Variants in CCDC136 observed in about 807,000 individuals in gnomAD.
CCDC136 encodes coiled-coil domain-containing protein 136.
CCDC136 carries 100 observed loss-of-function variants against 141.2 expected under a neutral mutation model. That is an observed-to-expected ratio of 0.71 (90% CI 0.60 to 0.84). The LOEUF (loss-of-function observed/expected upper bound fraction) is 0.84, where lower values mean the gene tolerates loss of function less well. Among genes scored for constraint, CCDC136 ranks in the 40% least tolerant of loss-of-function variants. The pLI, the probability that CCDC136 is intolerant of heterozygous loss-of-function variation, is 0.00. For missense variants in CCDC136, 1,206 were observed against 1,379.4 expected (o/e 0.87, Z 1.99); for synonymous variants, 474 against 531.9 (o/e 0.89, Z 1.50).
intron 4 of CCDC136, among the ~76,000 whole-genome samples, chr7:128,802,856 C>G (rs1804255307): frequency 6.6e-6 from 1 of 152,156 alleles, no homozygotes; most frequent in Admixed American, 6.6e-5. Flanking sequence ...AAAAACCTTA[C>G]AGAGCTATTT....
chr7:128,805,125 C>T lies in CCDC136; in HGVS notation c.783-234C>T, dbSNP rs1804632184. On this transcript the variant is annotated intron_variant, in intron 5 of 17. Transcript: ENST00000297788. This position sits in a 1 kb window ranked among gnomAD's most constrained non-coding sequence, Gnocchi z 4.6. ...GAGTGGGCTTGACTAGGCCTAGCCT[C>T]AAAACTAACTGGACTGGCACTCTAA... is the stretch of plus-strand genomic sequence containing the variant. 6.6e-6 allele frequency among the ~76,000 whole-genome samples: 1 copy of T among 152,154 alleles called. No individual in the cohort carries two copies. The highest frequency in any genetic ancestry group is 2.4e-5 in the African/African-American group (1 of 41,420).
At chr7:128,797,543 GAC>G (rs1803226449) in intron 3 of CCDC136, among the ~76,000 whole-genome samples, 2 of 152,182 alleles carry the variant, frequency 1.3e-5, no homozygotes, top group Admixed American at 1.3e-4. Flanking sequence ...GCTTCAAGGA[GAC>G]AGTGATCCAC....
chr7:128,814,393 C>T (rs1015527997), intron 14 of CCDC136, among the ~76,000 whole-genome samples: 30 of 152,238 alleles, frequency 2.0e-4, no homozygotes, highest in South Asian at 6.2e-4. Context: ...TGCGCCCTGC[C>T]GTTTTTTTCA....
chr7:128,812,668 G>A (rs1294303692), intron 13 of CCDC136, 40 bp from the exon 14 acceptor site: 2 of 1,493,440 alleles, frequency 1.3e-6, no homozygotes, highest in Non-Finnish European at 1.8e-6. Context: ...GAGCTTAGGT[G>A]CTCCTCAGGG....
chr7:128,802,425 A>G (rs17165121), intron 4 of CCDC136, among the ~76,000 whole-genome samples: 28,246 of 151,998 alleles, frequency 0.19, 2,913 homozygotes, highest in African/African-American at 0.27. Context: ...TGCTGGGAGA[A>G]GAAGGTTGGC....
At chr7:128,790,911 G>A (rs928253278), upstream of CCDC136, 8 of 152,244 alleles carry the variant, frequency 5.3e-5, no homozygotes, top group Non-Finnish European at 1.5e-5. This position sits in a 1 kb window ranked among gnomAD's most constrained non-coding sequence, Gnocchi z 5.4. Flanking sequence ...CCGGCCCCCA[G>A]GCTGCCGAGG....
intron 3 of CCDC136, among the ~76,000 whole-genome samples, chr7:128,800,395 A>G (rs1231132992): frequency 2.6e-5 from 4 of 151,512 alleles, no homozygotes; most frequent in Admixed American, 6.6e-5. Flanking sequence ...GGCTCAAATG[A>G]TTCTCCTGTC....
At chr7:128,812,596 G>A in intron 13 of CCDC136, 112 bp from the exon 14 acceptor site, 2 of 834,112 alleles carry the variant, frequency 2.4e-6, no homozygotes, top group Non-Finnish European at 3.9e-6. Context: ...TCCCCCGCGG[G>A]CATCTCTGGA....
rs1327628772 is a variant in CCDC136 at position 128,792,256 on chromosome 7, C to T, written c.-156C>T. 15 of 1,536,060 alleles carry T rather than the reference C, an allele frequency of 9.8e-6. No individual in the cohort carries two copies. The highest frequency in any genetic ancestry group is 1.3e-5 in the Non-Finnish European group (15 of 1,141,430). The stretch of plus-strand genomic sequence containing the variant: ...AGCTGGAAGACATGTCCCCTTCTTT[C>T]CTCTGCACCCCAGCCCGCAGCCAGC... On this transcript the variant is annotated 5_prime_UTR_variant, in exon 1 of 18. Transcript: ENST00000297788.
Position 128,798,663 on chromosome 7 carries a change from G to C in CCDC136, c.347-2523G>C, listed in dbSNP as rs544343391. ...CTGTTTCTCCAGAACACCCACCCCA[G>C]ACTCTAGGGCCTTTGTCCTAATGGC... On this transcript the variant is annotated intron_variant, in intron 3 of 17. Coordinates refer to ENST00000297788, the MANE Select transcript of CCDC136 (RefSeq NM_022742.5). 1.4e-4 allele frequency among the ~76,000 whole-genome samples: 22 copies of C among 152,226 alleles called. No homozygotes were observed. The East Asian group carries it at 4.1e-3, about 28-fold the overall frequency.
At chr7:128,796,177 T>C (rs1802917234) in intron 3 of CCDC136, among the ~76,000 whole-genome samples, 3 of 152,152 alleles carry the variant, frequency 2.0e-5, no homozygotes, top group Admixed American at 2.0e-4. Context: ...AGTTTCACCA[T>C]GTTGGCCAGG....
Position 128,792,293 on chromosome 7 carries a change from C to CCCCCCCCCCCCA in CCDC136, c.-119_-118insCCCCCCCCCCCA. 1 of 1,572,620 alleles carries CCCCCCCCCCCCA rather than the reference C, an allele frequency of 6.4e-7. No homozygotes were observed. Reference sequence around the variant, plus strand: ...AGCCCGCAGCCAGCCCCCCACCCCCCAGCCCCTCCTTTCTCCCTGCTCTCA... The same window carrying CCCCCCCCCCCCA: ...AGCCCGCAGCCAGCCCCCCACCCCCCCCCCCCCCCCCAAGCCCCTCCTTTCTCCCTGCTCTCA... On this transcript the variant is annotated 5_prime_UTR_variant, in exon 1 of 18. Coordinates refer to ENST00000297788, the MANE Select transcript of CCDC136 (RefSeq NM_022742.5).
rs771939294 is a variant in CCDC136, at chr7:128,801,296, C to T, written c.457C>T (p.Leu153=). 1 of 1,613,904 alleles carries T rather than the reference C, an allele frequency of 6.2e-7. No homozygotes were observed. Among genetic ancestry groups the T allele is most frequent in the Non-Finnish European group, 8.5e-7 (1 of 1,179,856 alleles). The change falls in exon 4 of 18, where the codon CTG becomes TTG. Residue 153 remains leucine, a synonymous_variant. Coordinates refer to ENST00000297788, the MANE Select transcript of CCDC136 (RefSeq NM_022742.5). ...LHLAQAEIQS[L]RQAAEDSATE... is the part of the protein sequence containing the mutation. ...TTTGGCCCAGGCTGAGATCCAGAGT[C>T]TGCGGCAAGCAGCAGAGGATTCCGC...
intron 17 of CCDC136, among the ~76,000 whole-genome samples, chr7:128,819,449 T>C (rs1383026655): frequency 6.6e-6 from 1 of 152,220 alleles, no homozygotes; most frequent in Non-Finnish European, 1.5e-5. Context: ...AAGCAAAGGA[T>C]GATCGAACCT....
intron 3 of CCDC136, among the ~76,000 whole-genome samples, chr7:128,798,195 G>T (rs562202644): frequency 4.0e-5 from 6 of 149,848 alleles, no homozygotes; most frequent in African/African-American, 1.5e-4. Flanking sequence ...GGGATTAAAG[G>T]CGTGAGCCAC....
chr7:128,806,034 T>C, intron 7 of CCDC136, 133 bp downstream of exon 7: 3 of 1,139,294 alleles, frequency 2.6e-6, no homozygotes, highest in Non-Finnish European at 3.8e-6. Context: ...CACAGTCTGC[T>C]GGAAACCAAC....
In CCDC136 at chr7:128,812,794, G is replaced by C. The variant is rs940950991; in HGVS notation, c.2628G>C (p.Gln876His). The C allele has an allele frequency of 1.2e-6, 2 of 1,613,304 alleles. No individual in the cohort carries two copies. The highest frequency in any genetic ancestry group is 1.7e-6 in the Non-Finnish European group (2 of 1,179,650). ...MYQISQEEHS[Q>H]LQEQMEKLLA... ...AGATAAGCCAGGAGGAACACAGCCAGCTGCAAGAGCAGATGGAAAAGTTAC... is the reference window on the plus strand; with the variant it reads ...AGATAAGCCAGGAGGAACACAGCCACCTGCAAGAGCAGATGGAAAAGTTAC... Residue 876 changes from glutamine (Q) to histidine (H), a missense_variant, in exon 14 of 18, where the codon CAG becomes CAC. Coordinates refer to ENST00000297788, the MANE Select transcript of CCDC136 (RefSeq NM_022742.5).
intron 4 of CCDC136, among the ~76,000 whole-genome samples, chr7:128,803,302 G>A (rs552173528): frequency 2.0e-5 from 3 of 152,196 alleles, no homozygotes; most frequent in South Asian, 2.1e-4. Flanking sequence ...CACTGCACCC[G>A]GCCAACATAA....
At position 128,811,816 on chromosome 7, in the gene CCDC136, T is replaced by G. The variant is rs377491251; in HGVS notation, c.2045T>G (p.Met682Arg). ...TGCCCCCAGCAATCCAAGCTGCTCA[T>G]GGAGCAGATGCAGGCCCTGCAGGTG... ...CNRNKQSKLL[M>R]EQMQALQVMY... The change falls in exon 13 of 18, where the codon ATG becomes AGG. Residue 682 changes from methionine (M) to arginine (R), a missense_variant. By Grantham distance (91) the Met-to-Arg change is moderately conservative. Transcript: ENST00000297788. 4 of 1,584,442 alleles carry G rather than the reference T, an allele frequency of 2.5e-6. No homozygotes were observed. The highest frequency in any genetic ancestry group is 3.4e-6 in the Non-Finnish European group (4 of 1,168,116).
Sources: allele counts gnomAD v4.1 joint callset (sites outside exome capture counted in the v4.1 genomes callset), GRCh38; gene constraint gnomAD v4.1.1; non-coding constraint Gnocchi (gnomAD v3.1); transcripts MANE v1.5; gene names NCBI Gene and HGNC (gene_info 2026-07-23, HGNC 2026-07-21).